SLC12A2: variants seen among roughly 807,000 people sequenced by gnomAD.
SLC12A2 encodes solute carrier family 12 member 2, also known as Na-K-2Cl cotransporter 1.
Under a neutral mutation model 136.3 loss-of-function variants are expected in SLC12A2, and 67 were observed. The observed-to-expected ratio is 0.49, with a 90% CI of 0.40 to 0.60. The LOEUF is 0.60. Ranked by LOEUF, SLC12A2 falls within the 20% of genes least tolerant of loss-of-function variation. The pLI is 0.00. For synonymous variants in SLC12A2, 619 were observed against 562.9 expected, an observed-to-expected ratio of 1.10 and a Z score of -1.41; for missense variants, 1,322 against 1,534.7, an observed-to-expected ratio of 0.86 and a Z score of 2.32.
Position 128,141,946 on chromosome 5 carries a change from A to C in SLC12A2, c.1738A>C (p.Ser580Arg). Residue 580 changes from serine to arginine, a missense_variant, in exon 10 of 27, where the codon AGT becomes CGT. Ser to Arg is a moderately radical substitution (Grantham distance 110). Around this residue, in one of 8 missense-constraint regions of SLC12A2, gnomAD observed 294 missense variants for 436.6 expected, o/e 0.67. Transcript: ENST00000262461. ...CTTTGATTTTTCATCTTGTGAAAGC[A>C]GTCCTTGTTCCTATGGCCTAATGAA... ...LNFDFSSCESSPCSYGLMNNF... is the reference protein window; with the variant it reads ...LNFDFSSCESRPCSYGLMNNF... The C allele has an allele frequency of 1.2e-6, 2 of 1,614,044 alleles. No homozygotes were observed. The highest frequency in any genetic ancestry group is 2.7e-5 in the African/African-American group (2 of 75,050).
At chr5:128,109,248 G>C (rs965076114) in intron 1 of SLC12A2, among the ~76,000 whole-genome samples, 4 of 152,216 alleles carry the variant, frequency 2.6e-5, no homozygotes, top group African/African-American at 9.6e-5. Context: ...GCAGTTCTTG[G>C]CCGGGTCAGC....
chr5:128,174,248 C>T (rs1284854778), intron 19 of SLC12A2, among the ~76,000 whole-genome samples: 1 of 152,048 alleles, frequency 6.6e-6, no homozygotes, highest in East Asian at 1.9e-4. Context: ...ATAGTACTTA[C>T]CAGTTGAGCA....
At chr5:128,156,880 C>T (rs1267154322) in intron 15 of SLC12A2, among the ~76,000 whole-genome samples, 1 of 152,120 alleles carries the variant, frequency 6.6e-6, no homozygotes, top group Non-Finnish European at 1.5e-5. Flanking sequence ...TAGGAACATA[C>T]TTATGGGCTA....
At position 128,178,572 on chromosome 5, in the gene SLC12A2, A is replaced by G. The variant is rs1763603830; in HGVS notation, c.2983A>G (p.Lys995Glu). ...TATTTTGCTTAATCCTTTAGAATCC[A>G]AAGGCCCTATTGTGCCTTTAAATGT... is the stretch of plus-strand genomic sequence containing the variant. ...ATQPLLKKES[K>E]GPIVPLNVAD... The change falls in exon 22 of 27, where the codon AAA becomes GAA. Residue 995 changes from lysine (K) to glutamate (E), a missense_variant. By Grantham distance (56) the Lys-to-Glu change is moderately conservative. Transcript: ENST00000262461. 1.9e-6 allele frequency: 3 copies of G among 1,563,312 alleles called. No homozygotes were observed. The highest frequency in any genetic ancestry group is 2.6e-6 in the Non-Finnish European group (3 of 1,161,706).
Position 128,114,700 on chromosome 5 carries a change from AATC to A in SLC12A2, c.1048+30_1048+32del, listed in dbSNP as rs746535421. 8 of 1,374,480 alleles carry A rather than the reference AATC, an allele frequency of 5.8e-6. No individual in the cohort carries two copies. The highest frequency in any genetic ancestry group is 1.4e-5 in the African/African-American group (1 of 70,096). The allele number at this position is 1,374,480 out of a possible 1,614,324, so 85.1% of individuals were successfully genotyped here. A position where few individuals can be genotyped will look rare whatever the true frequency, so the allele number is the denominator to read the frequency against. ...AGAGGAGGTAAGTAGAATCTTTTTG[AATC>A]ATCATCATCAGATTACTCTTACTAA... On this transcript the variant is annotated intron_variant, in intron 4 of 26. Transcript: ENST00000262461.
chr5:128,144,147 AAAAT>A (rs1762455405), intron 10 of SLC12A2, among the ~76,000 whole-genome samples: 1 of 152,132 alleles, frequency 6.6e-6, no homozygotes, highest in African/African-American at 2.4e-5. Context: ...CCAGTGACTG[AAAAT>A]GCCAGTCAGA....
chr5:128,098,514 G>A (rs1024553569), intron 1 of SLC12A2, among the ~76,000 whole-genome samples: 1 of 150,010 alleles, frequency 6.7e-6, no homozygotes, highest in African/African-American at 2.4e-5. Flanking sequence ...TCTTGAGTGT[G>A]TGTTACATTT....
At chr5:128,150,178 G>T (rs1183560194) in intron 13 of SLC12A2, 80 bp downstream of exon 13, 2 of 876,960 alleles carry the variant, frequency 2.3e-6, no homozygotes, top group Non-Finnish European at 3.7e-6. Flanking sequence ...CATTTTCAAA[G>T]ATGTTATGTG....
Sources: allele counts gnomAD v4.1 joint callset (sites outside exome capture counted in the v4.1 genomes callset), GRCh38; gene constraint gnomAD v4.1.1; regional missense constraint gnomAD v4.1.1; transcripts MANE v1.5; gene names NCBI Gene and HGNC (gene_info 2026-07-23, HGNC 2026-07-21).